SPTLC1: variants seen among roughly 807,000 people sequenced by gnomAD.
The protein encoded by SPTLC1 is serine palmitoyltransferase long chain base subunit 1, also known as serine palmitoyltransferase 1.
SPTLC1 carries 55 observed loss-of-function variants against 68.9 expected under a neutral mutation model. The ratio of observed to expected loss-of-function variants is 0.80; its 90% CI spans 0.64 to 1.00. SPTLC1 has a LOEUF of 1.00. SPTLC1 is among the 50% of genes least tolerant of loss of function. The probability of loss-of-function intolerance (pLI) is 0.00; values close to 1 mark genes in which losing one functional copy is unlikely to be tolerated. For missense variants in SPTLC1, 449 were observed against 573.1 expected (o/e 0.78, Z 2.21); for synonymous variants, 197 against 201.6 (o/e 0.98, Z 0.19).
intron 10 of SPTLC1, 92 bp downstream of exon 10, chr9:92,047,521 T>G: frequency 1.2e-6 from 1 of 853,304 alleles, no homozygotes; most frequent in Non-Finnish European, 1.9e-6. Context: ...TGTGATAAAC[T>G]AAGTAAAATT....
intron 3 of SPTLC1, among the ~76,000 whole-genome samples, chr9:92,086,239 T>A (rs1432061530): frequency 1.3e-4 from 19 of 151,092 alleles, no homozygotes; most frequent in Admixed American, 5.9e-4. Flanking sequence ...TTAGTCCATT[T>A]ACATTTAAAG....
intron 7 of SPTLC1, among the ~76,000 whole-genome samples, chr9:92,056,385 C>T (rs952653297): frequency 3.3e-5 from 5 of 152,278 alleles, no homozygotes; most frequent in African/African-American, 4.8e-5. Flanking sequence ...CCCGCCACCA[C>T]GCTCAGCTGA....
intron 3 of SPTLC1, among the ~76,000 whole-genome samples, chr9:92,084,300 G>C (rs1033663172): frequency 2.0e-5 from 3 of 151,130 alleles, no homozygotes; most frequent in South Asian, 2.1e-4. Context: ...TGGTGAGAGA[G>C]GGCATCCCTG....
At chr9:92,102,878 T>G (rs989467821) in intron 3 of SPTLC1, among the ~76,000 whole-genome samples, 11 of 152,222 alleles carry the variant, frequency 7.2e-5, no homozygotes, top group Admixed American at 2.6e-4. Context: ...AAATGGTTTT[T>G]CATACATGTT....
rs1283385934 is a variant in SPTLC1, at chr9:92,032,382, T to C, written c.*83A>G. The C allele has an allele frequency of 1.2e-6, 2 of 1,608,184 alleles. No individual in the cohort carries two copies. The highest frequency in any genetic ancestry group is 4.5e-5 in the East Asian group (2 of 44,690). On this transcript the variant is annotated 3_prime_UTR_variant, in exon 15 of 15. Transcript: ENST00000262554. ...CAAAGATCCACATGTTCTTGCTCTC[T>C]TTCAGGCCACTCCATGGCCAGCGGG...
At position 92,047,540 on chromosome 9, in the gene SPTLC1, C is replaced by A. The variant is rs1016298512; in HGVS notation, c.984+73G>T. On this transcript the variant is annotated intron_variant, in intron 10 of 14. Coordinates refer to ENST00000262554, the MANE Select transcript of SPTLC1 (RefSeq NM_006415.4). Reference sequence around the variant, plus strand: ...ATAAACTAAGTAAAATTTCGTATTTCAAAATTATATTTTGAGGTGACCAAT... The same window carrying A: ...ATAAACTAAGTAAAATTTCGTATTTAAAAATTATATTTTGAGGTGACCAAT... The A allele has an allele frequency of 1.2e-4, 126 of 1,058,142 alleles. No individual in the cohort carries two copies. In the Admixed American group the frequency reaches 2.6e-3, roughly 22 times the overall value. 65.5% of individuals were successfully genotyped at this position (1,058,142 alleles called of 1,614,324 possible).
At position 92,047,233 on chromosome 9, in the gene SPTLC1, C is replaced by G. The variant is rs377526418; in HGVS notation, c.1020G>C (p.Ser340=). 6.2e-7 allele frequency: 1 copy of G among 1,613,928 alleles called. No individual in the cohort carries two copies. Among genetic ancestry groups the G allele is most frequent in the African/African-American group, 1.3e-5 (1 of 74,886 alleles). ...LSGQGYCFSA[S]LPPLLAAAAI... ...CTGCAGCAGCTAACAGGGGAGGTAACGAAGCTGAAAAGCAGTATCCCTGGC... is the reference window on the plus strand; with the variant it reads ...CTGCAGCAGCTAACAGGGGAGGTAAGGAAGCTGAAAAGCAGTATCCCTGGC... Residue 340 remains serine (S), a synonymous_variant, in exon 11 of 15, where the codon TCG becomes TCC. Coordinates refer to ENST00000262554, the MANE Select transcript of SPTLC1 (RefSeq NM_006415.4).
chr9:92,102,341 CTGTTAAAA>C, intron 3 of SPTLC1, among the ~76,000 whole-genome samples: 2 of 152,354 alleles, frequency 1.3e-5, no homozygotes, highest in Middle Eastern at 3.4e-3. Context: ...ATCCACCTAA[CTGTTAAAA>C]GTAAATTCAT....
chr9:92,058,431 C>T (rs1317311901), intron 7 of SPTLC1, among the ~76,000 whole-genome samples: 1 of 152,154 alleles, frequency 6.6e-6, no homozygotes, highest in African/African-American at 2.4e-5. Context: ...GATGAAGACA[C>T]ACATCATGGT....
chr9:92,073,353 C>T (rs1352168275), intron 5 of SPTLC1, among the ~76,000 whole-genome samples: 1 of 152,224 alleles, frequency 6.6e-6, no homozygotes, highest in Non-Finnish European at 1.5e-5. Context: ...CGCCTTGAGC[C>T]TGGCCTCCAA....
chr9:92,056,631 G>A (rs536882608), intron 7 of SPTLC1, among the ~76,000 whole-genome samples: 9 of 152,218 alleles, frequency 5.9e-5, no homozygotes, highest in African/African-American at 2.2e-4. Flanking sequence ...GTGTGGGACT[G>A]CAAAAAATAC....
intron 3 of SPTLC1, among the ~76,000 whole-genome samples, chr9:92,095,599 A>G (rs889148409): frequency 6.6e-6 from 1 of 152,230 alleles, no homozygotes; most frequent in African/African-American, 2.4e-5. Context: ...ATTTCTTCAT[A>G]CCACTTAATA....
intron 5 of SPTLC1, among the ~76,000 whole-genome samples, chr9:92,072,587 T>G (rs1834534908): frequency 6.6e-6 from 1 of 152,060 alleles, no homozygotes; most frequent in East Asian, 1.9e-4. Flanking sequence ...CCCTCCATCT[T>G]CCCCACTGGC....
intron 3 of SPTLC1, among the ~76,000 whole-genome samples, chr9:92,082,076 G>A (rs1834905181): frequency 6.6e-6 from 1 of 152,052 alleles, no homozygotes; most frequent in Non-Finnish European, 1.5e-5. Flanking sequence ...AGAAGCTTAG[G>A]GACATCACTG....
At chr9:92,053,984 T>G (rs1444419312) in intron 8 of SPTLC1, 1 of 985,264 alleles carries the variant, frequency 1.0e-6, no homozygotes, top group Admixed American at 6.1e-5. Flanking sequence ...CTTTCACTAT[T>G]AAAAAGCTAA....
chr9:92,086,560 G>A (rs1205862015), intron 3 of SPTLC1, among the ~76,000 whole-genome samples: 10 of 152,226 alleles, frequency 6.6e-5, no homozygotes. Flanking sequence ...TAAGAATGTT[G>A]AATATTGGTC....
At chr9:92,033,366 A>G (rs1833037998) in intron 14 of SPTLC1, among the ~76,000 whole-genome samples, 1 of 152,250 alleles carries the variant, frequency 6.6e-6, no homozygotes, top group African/African-American at 2.4e-5. Flanking sequence ...AATCAAAGAA[A>G]TAATAGCTTG....
At chr9:92,082,261 C>T (rs1051841970) in intron 3 of SPTLC1, among the ~76,000 whole-genome samples, 22 of 152,004 alleles carry the variant, frequency 1.4e-4, no homozygotes, top group African/African-American at 4.8e-4. Flanking sequence ...TTATTATACT[C>T]TAAGTTTTAG....
chr9:92,076,470 T>C (rs1214199365), intron 5 of SPTLC1, among the ~76,000 whole-genome samples: 2 of 152,190 alleles, frequency 1.3e-5, no homozygotes, highest in Non-Finnish European at 2.9e-5. Context: ...TACCAGTCAC[T>C]TCCCACTCAA....
Sources: gnomAD v4.1 joint callset for allele counts (sites outside exome capture counted in the v4.1 genomes callset) on GRCh38, gnomAD v4.1.1 for gene constraint, MANE v1.5 for transcripts, NCBI Gene and HGNC (gene_info 2026-07-23, HGNC 2026-07-21) for gene names.